Variants in RANBP2 observed in about 807,000 individuals in gnomAD.
RANBP2 encodes the protein E3 SUMO-protein ligase RanBP2.
A neutral mutation model predicts 303.6 loss-of-function variants in RANBP2; 57 were observed. That is an observed-to-expected ratio of 0.19 (90% CI 0.15 to 0.23). RANBP2 has a LOEUF of 0.23. Among genes scored for constraint, RANBP2 ranks in the 10% least tolerant of loss-of-function variants. The pLI is 1.00. For missense variants in RANBP2, 3,138 were observed against 3,780.8 expected (o/e 0.83, Z 4.46); for synonymous variants, 1,167 against 1,301.5 (o/e 0.90, Z 2.23).
the RANBP2 span, among the ~76,000 whole-genome samples, chr2:109,000,954 A>G: frequency 6.6e-6 from 1 of 152,182 alleles, no homozygotes; most frequent in Non-Finnish European, 1.5e-5. Context: ...CCTGAGGCCC[A>G]GGTGAGGGAC....
the RANBP2 span, among the ~76,000 whole-genome samples, chr2:109,097,967 C>A: frequency 1.3e-5 from 2 of 152,124 alleles, no homozygotes; most frequent in African/African-American, 4.8e-5. Context: ...TTCACCAGTA[C>A]CATAAAGGCC....
chr2:108,962,646 GCCTGGGCGACAGAGCGAGACTCTGTCTCA>G, the RANBP2 span, among the ~76,000 whole-genome samples: 638 of 129,458 alleles, frequency 4.9e-3, 10 homozygotes, highest in African/African-American at 0.018. Flanking sequence ...CTGCCCTCCA[GCCTGGGCGACAGAGCGAGACTCTGTCTCA>G]AAAAAAAAAA....
the RANBP2 span, among the ~76,000 whole-genome samples, chr2:109,092,261 G>A: frequency 6.6e-6 from 1 of 152,112 alleles, no homozygotes; most frequent in Admixed American, 6.5e-5. Flanking sequence ...AGCGCAACAG[G>A]CCTGTCTCAG....
chr2:109,251,724 C>A, the RANBP2 span: 5 of 722,116 alleles, frequency 6.9e-6, no homozygotes, highest in South Asian at 3.5e-5. Context: ...AAAATTAGGT[C>A]GTGTACATTT....
chr2:109,532,928 T>C, the RANBP2 span, among the ~76,000 whole-genome samples: 1 of 152,168 alleles, frequency 6.6e-6, no homozygotes, highest in Non-Finnish European at 1.5e-5. Context: ...TTAGTTTCTG[T>C]TAATTCATTC....
chr2:109,598,944 G>A, the RANBP2 span, among the ~76,000 whole-genome samples: 4 of 151,928 alleles, frequency 2.6e-5, no homozygotes. Context: ...CAGGAGGGTG[G>A]GGTATTTGGC....
At chr2:109,009,821 C>T in the RANBP2 span, among the ~76,000 whole-genome samples, 1,047 of 151,912 alleles carry the variant, frequency 6.9e-3, 13 homozygotes, top group African/African-American at 0.024. Context: ...CATGAGCTAC[C>T]ACAGCAGCTT....
chr2:109,357,291 C>T, the RANBP2 span, among the ~76,000 whole-genome samples: 2 of 152,042 alleles, frequency 1.3e-5, no homozygotes, highest in African/African-American at 4.8e-5. Flanking sequence ...ATGCCATTCT[C>T]CTGCCTCAGC....
chr2:109,367,488 G>A, the RANBP2 span, among the ~76,000 whole-genome samples: 2 of 151,866 alleles, frequency 1.3e-5, no homozygotes, highest in South Asian at 4.2e-4. Flanking sequence ...CACCATGTCG[G>A]CCAGGCTAGT....
At chr2:109,366,957 A>G in the RANBP2 span, among the ~76,000 whole-genome samples, 1 of 152,150 alleles carries the variant, frequency 6.6e-6, no homozygotes, top group East Asian at 1.9e-4. Context: ...TTTTGAATTT[A>G]TTTTATTTTA....
Position 108,763,603 on chromosome 2 carries a change from C to G in RANBP2, c.3064C>G (p.Gln1022Glu), listed in dbSNP as rs779980367. 5.6e-6 allele frequency: 9 copies of G among 1,614,136 alleles called. No individual in the cohort carries two copies. In the South Asian group the frequency reaches 6.6e-5, roughly 12 times the overall value. Residue 1022 changes from glutamine (Q) to glutamate (E), a missense_variant, in exon 20 of 29, where the codon CAA becomes GAA. Gln to Glu is a conservative substitution (Grantham distance 29). Around this residue, in one of 20 missense-constraint regions of RANBP2, gnomAD observed 403 missense variants for 376.7 expected, o/e 1.07. Coordinates refer to ENST00000283195, the MANE Select transcript of RANBP2 (RefSeq NM_006267.5). ...GEGLRPSLPT[Q>E]AHTTQPTPFK... ...AGGATTAAGGCCATCTTTGCCAACA[C>G]AAGCACACACAACACAGCCAACTCC...
At chr2:108,968,732 AC>A in the RANBP2 span, among the ~76,000 whole-genome samples, 2 of 152,214 alleles carry the variant, frequency 1.3e-5, no homozygotes, top group Non-Finnish European at 2.9e-5. Flanking sequence ...TGATGCTGAT[AC>A]AAAAAGCCAT....
chr2:109,064,706 G>A, the RANBP2 span, among the ~76,000 whole-genome samples: 1 of 152,142 alleles, frequency 6.6e-6, no homozygotes, highest in Non-Finnish European at 1.5e-5. Flanking sequence ...TCTTTTCTGA[G>A]TAAAACCTTC....
At chr2:109,146,021 A>G in the RANBP2 span, among the ~76,000 whole-genome samples, 74 of 152,064 alleles carry the variant, frequency 4.9e-4, no homozygotes, top group Non-Finnish European at 4.7e-4. Flanking sequence ...GTCCTTGTCT[A>G]TGTGGGCCGA....
the RANBP2 span, among the ~76,000 whole-genome samples, chr2:109,467,350 G>A: frequency 3.9e-5 from 6 of 152,250 alleles, no homozygotes; most frequent in South Asian, 2.1e-4. Context: ...GAAGGGAAGC[G>A]CAAAATCGGC....
the RANBP2 span, among the ~76,000 whole-genome samples, chr2:108,928,627 C>T: frequency 3.3e-5 from 5 of 152,160 alleles, no homozygotes; most frequent in African/African-American, 1.2e-4. Context: ...TCAGGATTTT[C>T]TGGGGATTGA....
the RANBP2 span, among the ~76,000 whole-genome samples, chr2:109,519,025 T>C: frequency 6.6e-6 from 1 of 151,530 alleles, no homozygotes; most frequent in Admixed American, 6.6e-5. Context: ...TTCAAGTGAT[T>C]CTCCTGCCTC....
At chr2:109,645,886 G>A in the RANBP2 span, among the ~76,000 whole-genome samples, 6 of 152,180 alleles carry the variant, frequency 3.9e-5, no homozygotes, top group East Asian at 5.8e-4. Flanking sequence ...TCAGGGGTGC[G>A]CCATTCCCAT....
chr2:109,585,128 CT>C, the RANBP2 span: 2 of 1,559,676 alleles, frequency 1.3e-6, no homozygotes, highest in South Asian at 2.5e-5. Flanking sequence ...ACACATACCT[CT>C]CTTCTTTATT....
Sources: allele counts gnomAD v4.1 joint callset (sites outside exome capture counted in the v4.1 genomes callset), GRCh38; gene constraint gnomAD v4.1.1; regional missense constraint gnomAD v4.1.1; transcripts MANE v1.5; gene names NCBI Gene and HGNC (gene_info 2026-07-23, HGNC 2026-07-21).